Variants in USP15 observed in about 807,000 individuals in gnomAD.
USP15 encodes ubiquitin specific peptidase 15.
A neutral mutation model predicts 127.1 loss-of-function variants in USP15; 18 were observed. The observed-to-expected ratio is 0.14, with a 90% CI of 0.10 to 0.21. The LOEUF (loss-of-function observed/expected upper bound fraction) is 0.21. Ranked by LOEUF, USP15 falls within the 10% of genes least tolerant of loss-of-function variation. The probability of loss-of-function intolerance (pLI) is 1.00; values close to 1 mark genes in which losing one functional copy is unlikely to be tolerated. For missense variants in USP15, 805 were observed against 1,159.9 expected, an observed-to-expected ratio of 0.69 and a Z score of 4.44; for synonymous variants, 364 against 393.7, an observed-to-expected ratio of 0.92 and a Z score of 0.89.
intron 8 of USP15, among the ~76,000 whole-genome samples, chr12:62,362,392 T>C (rs915073099): frequency 6.9e-6 from 1 of 145,726 alleles, no homozygotes; most frequent in East Asian, 1.9e-4. Context: ...GTAGCATTAA[T>C]GTTGTGCCAT....
chr12:62,384,440 A>G, intron 11 of USP15, 138 bp downstream of exon 11: 2 of 733,254 alleles, frequency 2.7e-6, no homozygotes, highest in East Asian at 2.8e-5. Context: ...GTTTATTTGT[A>G]TAAGAGATTT....
At chr12:62,400,315 A>G (rs1411038671) in intron 20 of USP15, among the ~76,000 whole-genome samples, 1 of 152,126 alleles carries the variant, frequency 6.6e-6, no homozygotes, top group Non-Finnish European at 1.5e-5. Flanking sequence ...CAGATGTTCA[A>G]ATTCCTTATG....
At chr12:62,400,548 C>T (rs2198063) in intron 20 of USP15, among the ~76,000 whole-genome samples, 3 of 146,758 alleles carry the variant, frequency 2.0e-5, no homozygotes, top group Non-Finnish European at 3.0e-5. Flanking sequence ...GGTTCAGGGA[C>T]GCAGAACCCA....
At chr12:62,274,589 G>C (rs1475212695) in intron 1 of USP15, among the ~76,000 whole-genome samples, 1 of 151,934 alleles carries the variant, frequency 6.6e-6, no homozygotes, top group Non-Finnish European at 1.5e-5. Context: ...AGGTTACAGT[G>C]AGCTATGATC....
intron 1 of USP15, among the ~76,000 whole-genome samples, chr12:62,284,726 A>G (rs1347769227): frequency 2.6e-5 from 4 of 152,038 alleles, no homozygotes; most frequent in Non-Finnish European, 4.4e-5. Context: ...TGTGGGAGAA[A>G]TGTTTCTAGA....
intron 6 of USP15, among the ~76,000 whole-genome samples, chr12:62,327,312 G>A (rs866846696): frequency 1.3e-5 from 2 of 151,916 alleles, no homozygotes; most frequent in African/African-American, 2.4e-5. Flanking sequence ...GTTGGATGCA[G>A]TACAAGGGTA....
chr12:62,360,769 C>T (rs1361483024), intron 8 of USP15, among the ~76,000 whole-genome samples: 3 of 151,982 alleles, frequency 2.0e-5, no homozygotes, highest in Non-Finnish European at 2.9e-5. Context: ...AAACTGAGAA[C>T]GTGGCTAATG....
chr12:62,342,650 C>G (rs1056285046), intron 6 of USP15, among the ~76,000 whole-genome samples: 1 of 152,050 alleles, frequency 6.6e-6, no homozygotes, highest in East Asian at 1.9e-4. Flanking sequence ...TTCTAACAGT[C>G]GGGCCCCTCT....
chr12:62,285,893 A>G (rs1173072259), intron 1 of USP15, among the ~76,000 whole-genome samples: 2 of 152,100 alleles, frequency 1.3e-5, no homozygotes, highest in Non-Finnish European at 2.9e-5. Context: ...ACTAATTTCC[A>G]TTCCCTCCAT....
intron 6 of USP15, among the ~76,000 whole-genome samples, chr12:62,329,486 T>G (rs560235379): frequency 6.6e-6 from 1 of 152,334 alleles, no homozygotes; most frequent in South Asian, 2.1e-4. Flanking sequence ...GAATTAAAGA[T>G]TTCTGTTAAA....
At chr12:62,274,260 C>T (rs1272041331) in intron 1 of USP15, 1 of 151,942 alleles carries the variant, frequency 6.6e-6, no homozygotes, top group East Asian at 1.9e-4. Flanking sequence ...TTTGAGAGGC[C>T]CTGGCAGGAG....
In USP15 at chr12:62,355,405, A is replaced by T; in HGVS notation, c.845A>T (p.Asn282Ile). The change falls in exon 8 of 22, where the codon AAC (asparagine) becomes ATC (isoleucine). Residue 282 changes from asparagine (N) to isoleucine (I), a missense_variant. This residue lies in a region of USP15 where 84 missense variants were observed against 107.7 expected (regional missense o/e 0.78). Coordinates refer to ENST00000280377, the MANE Select transcript of USP15 (RefSeq NM_001252078.2). The stretch of plus-strand genomic sequence containing the variant: ...TATGATTATTCGGAACCTGGAAGAA[A>T]CAATGAACAGCCAGGCCTCTGTGGC... ...KNYDYSEPGR[N>I]NEQPGLCGLS... The T allele has an allele frequency of 6.2e-7, 1 of 1,611,622 alleles. No individual in the cohort carries two copies. Among genetic ancestry groups the T allele is most frequent in the South Asian group, 1.1e-5 (1 of 90,864 alleles).
rs1278577596 is a variant in USP15 at position 62,260,482 on chromosome 12, C to T, written c.68C>T (p.Ser23Leu). 2.6e-6 allele frequency: 4 copies of T among 1,551,636 alleles called. No homozygotes were observed. Among genetic ancestry groups the T allele is most frequent in the South Asian group, 1.2e-5 (1 of 84,060 alleles). Residue 23 changes from serine to leucine, a missense_variant, in exon 1 of 22, where the codon TCG (serine) becomes TTG (leucine). Physicochemically the swap from Ser to Leu is moderately radical, Grantham distance 145 (BLOSUM62 -2). Coordinates refer to ENST00000280377, the MANE Select transcript of USP15 (RefSeq NM_001252078.2). ...RSDIATLLKT[S>L]LRKGDTWYLV... ...GACATCGCGACGCTGCTCAAAACCT[C>T]GCTCCGGAAAGGGGACACCTGGTAA...
In USP15 at chr12:62,389,665, C is replaced by A; in HGVS notation, c.1618C>A (p.Leu540Ile). ...CAGAATATTCGCTATGGATGAAAAC[C>A]TTAGTAGTATTATGGAACGGGATGA... is the stretch of plus-strand genomic sequence containing the variant. ...FHRIFAMDEN[L>I]SSIMERDDIY... Residue 540 changes from leucine to isoleucine, a missense_variant, in exon 13 of 22, where the codon CTT (leucine) becomes ATT (isoleucine). This residue lies in a region of USP15 where 82 missense variants were observed against 104.4 expected (regional missense o/e 0.79). Coordinates refer to ENST00000280377, the MANE Select transcript of USP15 (RefSeq NM_001252078.2). 6.2e-7 allele frequency: 1 copy of A among 1,612,810 alleles called. No homozygotes were observed. The highest frequency in any genetic ancestry group is 1.1e-5 in the South Asian group (1 of 90,980).
chr12:62,393,790 C>A (rs1189598473), intron 19 of USP15: 3 of 152,352 alleles, frequency 2.0e-5, no homozygotes, highest in Non-Finnish European at 4.4e-5. Context: ...CCATATTGAC[C>A]AGGCTGGTCT....
intron 6 of USP15, chr12:62,335,397 T>C (rs561532705): frequency 2.0e-4 from 284 of 1,395,722 alleles, no homozygotes; most frequent in Non-Finnish European, 2.4e-4. Flanking sequence ...TGCAACAGTA[T>C]TGTAAAATTG....
intron 1 of USP15, 144 bp downstream of exon 1, chr12:62,260,647 G>A: frequency 2.7e-6 from 2 of 732,984 alleles, no homozygotes; most frequent in South Asian, 3.6e-5. Flanking sequence ...GGCCGCTTCT[G>A]AAATGTTGGG....
chr12:62,262,190 AT>A (rs2063084484), intron 1 of USP15, among the ~76,000 whole-genome samples: 1 of 152,130 alleles, frequency 6.6e-6, no homozygotes, highest in Non-Finnish European at 1.5e-5. Context: ...GTGAGCCGAG[AT>A]CCGGCCACTG....
chr12:62,335,957 T>G (rs2065449354), intron 6 of USP15: 1 of 985,304 alleles, frequency 1.0e-6, no homozygotes, highest in African/African-American at 1.7e-5. Flanking sequence ...GGTTCCTCTT[T>G]AGGGTTGCCA....
Sources: allele counts gnomAD v4.1 joint callset (sites outside exome capture counted in the v4.1 genomes callset), GRCh38; gene constraint gnomAD v4.1.1; regional missense constraint gnomAD v4.1.1; transcripts MANE v1.5; gene names NCBI Gene and HGNC (gene_info 2026-07-23, HGNC 2026-07-21).